The following GRM8 variants were observed in gnomAD, a reference collection of about 807,000 sequenced individuals.
The protein encoded by GRM8 is glutamate metabotropic receptor 8.
In GRM8, 47 loss-of-function variants were observed where a neutral mutation model predicts 87.2. The observed-to-expected ratio is 0.54, with a 90% CI of 0.43 to 0.69. GRM8 has a LOEUF of 0.69. GRM8 is among the 30% of genes least tolerant of loss of function. The pLI is 0.00. For synonymous variants in GRM8, 396 were observed against 404.5 expected (o/e 0.98, Z 0.25); for missense variants, 1,019 against 1,139.2 (o/e 0.89, Z 1.52).
At chr7:127,130,270 G>A (rs906877058) in intron 2 of GRM8, among the ~76,000 whole-genome samples, 3 of 152,292 alleles carry the variant, frequency 2.0e-5, no homozygotes, top group South Asian at 2.1e-4. Flanking sequence ...ATTGGTACAG[G>A]GAGTGGGGTA....
chr7:126,777,380 A>C (rs921255780), intron 6 of GRM8, among the ~76,000 whole-genome samples: 9 of 152,146 alleles, frequency 5.9e-5, no homozygotes, highest in Non-Finnish European at 1.0e-4. Context: ...CAACATTGCA[A>C]AGTAATGGCA....
chr7:126,954,039 T>C (rs1189589122), intron 3 of GRM8, among the ~76,000 whole-genome samples: 1 of 152,160 alleles, frequency 6.6e-6, no homozygotes, highest in African/African-American at 2.4e-5. Context: ...GAAAGAATGT[T>C]GCACAACGCT....
intron 9 of GRM8, among the ~76,000 whole-genome samples, chr7:126,477,641 AC>A (rs1806156194): frequency 6.6e-6 from 1 of 150,846 alleles, no homozygotes; most frequent in African/African-American, 2.4e-5. Context: ...GAAAGAAAAA[AC>A]GAAAGAGAAA....
At chr7:126,759,406 A>G (rs1817356908) in intron 7 of GRM8, among the ~76,000 whole-genome samples, 1 of 151,826 alleles carries the variant, frequency 6.6e-6, no homozygotes, top group Non-Finnish European at 1.5e-5. Flanking sequence ...AAAAAAAGTA[A>G]TATATAATTT....
chr7:127,193,254 A>T (rs1185889255), intron 2 of GRM8, among the ~76,000 whole-genome samples: 3 of 152,216 alleles, frequency 2.0e-5, no homozygotes, highest in Admixed American at 6.5e-5. Flanking sequence ...AAAGAACACA[A>T]CATCATCATA....
At chr7:126,958,486 G>A (rs549139840) in intron 3 of GRM8, among the ~76,000 whole-genome samples, 17 of 152,302 alleles carry the variant, frequency 1.1e-4, no homozygotes, top group East Asian at 5.8e-4. Context: ...CAGAGCTGGC[G>A]CCTGGAGCTG....
chr7:126,634,136 T>C (rs1183544702), intron 7 of GRM8, among the ~76,000 whole-genome samples: 1 of 152,172 alleles, frequency 6.6e-6, no homozygotes, highest in Admixed American at 6.6e-5. Flanking sequence ...AAATATCCTA[T>C]TGCCATTTTA....
At chr7:126,966,812 A>G (rs1809917128) in intron 3 of GRM8, among the ~76,000 whole-genome samples, 1 of 152,186 alleles carries the variant, frequency 6.6e-6, no homozygotes, top group East Asian at 1.9e-4. Flanking sequence ...TCAATTAAAA[A>G]CAGAATTGTA....
At chr7:127,230,749 A>C (rs1797635988) in intron 2 of GRM8, among the ~76,000 whole-genome samples, 1 of 152,146 alleles carries the variant, frequency 6.6e-6, no homozygotes, top group Admixed American at 6.5e-5. Context: ...TAAACCAGGG[A>C]GAGGGCCTTC....
intron 2 of GRM8, among the ~76,000 whole-genome samples, chr7:127,164,587 G>C (rs922849083): frequency 1.3e-5 from 2 of 152,058 alleles, no homozygotes; most frequent in Admixed American, 1.3e-4. Flanking sequence ...GTTTGGACTG[G>C]CCTTCACACA....
intron 7 of GRM8, among the ~76,000 whole-genome samples, chr7:126,669,531 T>C (rs531449301): frequency 6.6e-6 from 1 of 152,302 alleles, no homozygotes; most frequent in South Asian, 2.1e-4. Flanking sequence ...GATGCAAAGT[T>C]TTCTAAGTGT....
chr7:126,863,174 T>C (rs1355075781), intron 6 of GRM8, among the ~76,000 whole-genome samples: 1 of 152,126 alleles, frequency 6.6e-6, no homozygotes, highest in East Asian at 1.9e-4. Context: ...TAGTTACAAA[T>C]ATTGTTTGAT....
At chr7:126,903,759 ATATATATGTGTGTGTG>A (rs59177424) in intron 5 of GRM8, among the ~76,000 whole-genome samples, 197 bp downstream of exon 5, 3 of 94,772 alleles carry the variant, frequency 3.2e-5, no homozygotes, top group East Asian at 5.4e-4. Context: ...ATATGTGTAT[ATATATATGTGTGTGTG>A]TATATATATA....
chr7:127,154,366 A>C (rs1177927817), intron 2 of GRM8, among the ~76,000 whole-genome samples: 2 of 152,018 alleles, frequency 1.3e-5, no homozygotes, highest in Middle Eastern at 3.2e-3. Flanking sequence ...TAAAACACCA[A>C]GTGATGTTGT....
chr7:126,756,905 G>A (rs1817071027), intron 7 of GRM8, among the ~76,000 whole-genome samples: 1 of 152,016 alleles, frequency 6.6e-6, no homozygotes, highest in Non-Finnish European at 1.5e-5. Flanking sequence ...TTAAAAGAAT[G>A]ACGATAACAA....
chr7:126,615,126 A>T (rs889528028), intron 7 of GRM8, among the ~76,000 whole-genome samples: 3 of 152,176 alleles, frequency 2.0e-5, no homozygotes, highest in Admixed American at 1.3e-4. Context: ...GCCAGAGAGA[A>T]ATGTAGGGTT....
intron 6 of GRM8, among the ~76,000 whole-genome samples, chr7:126,831,502 G>A (rs1795367567): frequency 6.6e-6 from 1 of 152,254 alleles, no homozygotes. Flanking sequence ...GACACTCTGA[G>A]CCATGTGTGG....
rs541835830 is a variant in GRM8, at chr7:126,820,562, T to C, written c.1157-50497A>G. Among the ~76,000 whole-genome samples, 288 of 152,304 alleles carry C rather than the reference T, an allele frequency of 1.9e-3. 1 individual carries two copies. Among genetic ancestry groups the C allele is most frequent in the South Asian group, 0.016 (79 of 4,826 alleles). On this transcript the variant is annotated intron_variant, in intron 6 of 10. Coordinates refer to ENST00000339582, the MANE Select transcript of GRM8 (RefSeq NM_000845.3). Reference sequence around the variant, plus strand: ...ACTGAACCTTGGATAAATTCAACAGTCCACGTCATGAACTAGAGATCACAT... The same window carrying C: ...ACTGAACCTTGGATAAATTCAACAGCCCACGTCATGAACTAGAGATCACAT...
chr7:126,488,174 G>GA (rs144442512), intron 9 of GRM8, among the ~76,000 whole-genome samples: 6,206 of 148,634 alleles, frequency 0.042, 323 homozygotes, highest in African/African-American at 0.13. Context: ...TAACTGGACA[G>GA]AAAAAAAAAC....
Sources: gnomAD v4.1 joint callset for allele counts (sites outside exome capture counted in the v4.1 genomes callset) on GRCh38, gnomAD v4.1.1 for gene constraint, MANE v1.5 for transcripts, NCBI Gene and HGNC (gene_info 2026-07-23, HGNC 2026-07-21) for gene names.